Variants in FAM193B observed in about 807,000 individuals in gnomAD.
The protein encoded by FAM193B is protein FAM193B.
Under a neutral mutation model 70.7 loss-of-function variants are expected in FAM193B, and 27 were observed. That is an observed-to-expected ratio of 0.38 (90% CI 0.28 to 0.53). The LOEUF (loss-of-function observed/expected upper bound fraction) is 0.53. Ranked by LOEUF, FAM193B falls within the 20% of genes least tolerant of loss-of-function variation. The probability of loss-of-function intolerance (pLI) is 0.81; values close to 1 mark genes in which losing one functional copy is unlikely to be tolerated. For missense variants in FAM193B, 1,022 were observed against 1,072.5 expected (o/e 0.95, Z 0.66); for synonymous variants, 448 against 436.0 (o/e 1.03, Z -0.34).
At chr5:177,523,295 TG>T in intron 7 of FAM193B, 1 of 309,676 alleles carries the variant, frequency 3.2e-6, no homozygotes, top group Non-Finnish European at 6.8e-6. Flanking sequence ...CCACCGCGCT[TG>T]GCCAAAAATA....
Position 177,538,856 on chromosome 5 carries a change from T to G in FAM193B, c.453+49A>C, listed in dbSNP as rs1764505928. 6.2e-7 allele frequency: 1 copy of G among 1,605,534 alleles called. No individual in the cohort carries two copies. Among genetic ancestry groups the G allele is most frequent in the African/African-American group, 1.3e-5 (1 of 74,952 alleles). On this transcript the variant is annotated intron_variant, in intron 2 of 8. Coordinates refer to ENST00000514747, the MANE Select transcript of FAM193B (RefSeq NM_001190946.3). This position sits in a 1 kb window ranked among gnomAD's most constrained non-coding sequence, Gnocchi z 4.1. The stretch of plus-strand genomic sequence containing the variant: ...AGGACAGGGAACAGCCTGACTTCCT[T>G]GGGGAGGAGCCCTCCTGCATTCAGG...
intron 1 of FAM193B, chr5:177,553,066 G>A (rs1200996797): frequency 7.7e-5 from 38 of 494,360 alleles, no homozygotes; most frequent in Non-Finnish European, 8.9e-5. Context: ...TGCTACCAGA[G>A]GGAGGCACAG....
At chr5:177,523,359 TTTG>T (rs1762070664) in intron 7 of FAM193B, 1 of 246,440 alleles carries the variant, frequency 4.1e-6, no homozygotes, top group Non-Finnish European at 8.6e-6. Flanking sequence ...TTTTTTGTGT[TTTG>T]TTTTTTTTCC....
At chr5:177,546,002 G>A (rs1765382084) in intron 1 of FAM193B, among the ~76,000 whole-genome samples, 1 of 152,124 alleles carries the variant, frequency 6.6e-6, no homozygotes, top group Non-Finnish European at 1.5e-5. Flanking sequence ...ACCAAGGCAG[G>A]CAGAGGACAA....
rs1766589824 is a variant in FAM193B at position 177,553,566 on chromosome 5, TC to T, written c.210+682del. ...GTGGCAAGCTGGAAGCTTTGGGGAA[TC>T]CTCCTACTGTTCGCTCTCAGCAGGA... On this transcript the variant is annotated intron_variant, in intron 1 of 8. Transcript: ENST00000514747. 3 of 1,144,350 alleles carry T rather than the reference TC, an allele frequency of 2.6e-6. No individual in the cohort carries two copies. In the South Asian group the frequency reaches 5.2e-5, roughly 20 times the overall value. The allele number at this position is 1,144,350 out of a possible 1,614,324, so 70.9% of individuals were successfully genotyped here.
intron 1 of FAM193B, among the ~76,000 whole-genome samples, chr5:177,548,083 G>A (rs1456032971): frequency 6.6e-6 from 1 of 152,206 alleles, no homozygotes; most frequent in Non-Finnish European, 1.5e-5. Flanking sequence ...CCCATATGCT[G>A]TTCCTTCTGC....
At chr5:177,521,348 G>A (rs1581823304) in intron 8 of FAM193B, among the ~76,000 whole-genome samples, 1 of 152,236 alleles carries the variant, frequency 6.6e-6, no homozygotes, top group East Asian at 1.9e-4. Flanking sequence ...AAGGACCTGT[G>A]TGGGTGGCTG....
intron 8 of FAM193B, among the ~76,000 whole-genome samples, chr5:177,521,093 G>A (rs936530477): frequency 2.0e-5 from 3 of 152,144 alleles, no homozygotes; most frequent in Non-Finnish European, 4.4e-5. Flanking sequence ...TTGTTTGTGA[G>A]CTCAGTCTGC....
intron 5 of FAM193B, 29 bp from the exon 6 acceptor site, chr5:177,525,234 G>A (rs367895694): frequency 7.0e-7 from 1 of 1,434,368 alleles, no homozygotes. Flanking sequence ...GTTTTAGCAG[G>A]AGGCTGTCAA....
chr5:177,544,248 G>C (rs958983962), intron 1 of FAM193B, among the ~76,000 whole-genome samples: 3 of 152,214 alleles, frequency 2.0e-5, no homozygotes, highest in African/African-American at 7.2e-5. Flanking sequence ...CTAGGGCCTA[G>C]GGGGCTGGCA....
chr5:177,534,829 G>A (rs1026249869), intron 4 of FAM193B, among the ~76,000 whole-genome samples: 1 of 152,116 alleles, frequency 6.6e-6, no homozygotes, highest in Non-Finnish European at 1.5e-5. Context: ...TGTTGCCCTT[G>A]CTAGTCTCCA....
chr5:177,528,564 A>C (rs1762977208), intron 5 of FAM193B, among the ~76,000 whole-genome samples: 1 of 152,220 alleles, frequency 6.6e-6, no homozygotes, highest in Admixed American at 6.5e-5. Flanking sequence ...CTTAGGCGGG[A>C]AAAGGGTGAC....
intron 1 of FAM193B, chr5:177,553,842 GAA>G (rs758200251): frequency 1.0e-5 from 13 of 1,280,598 alleles, no homozygotes; most frequent in Non-Finnish European, 1.3e-5. Flanking sequence ...GGGGCAGAGG[GAA>G]GAGGCTGCAG....
intron 4 of FAM193B, among the ~76,000 whole-genome samples, chr5:177,535,229 G>A (rs946448528): frequency 1.1e-4 from 16 of 152,356 alleles, no homozygotes; most frequent in African/African-American, 3.4e-4. Flanking sequence ...ACAGTAACAT[G>A]AATTGCGGTC....
intron 1 of FAM193B, 93 bp downstream of exon 1, chr5:177,554,156 A>G (rs919101937): frequency 6.9e-7 from 1 of 1,449,626 alleles, no homozygotes. Flanking sequence ...CAGCCGCGGC[A>G]GGATGGCCCA....
intron 1 of FAM193B, among the ~76,000 whole-genome samples, chr5:177,551,534 C>T (rs1403659538): frequency 1.3e-5 from 2 of 152,206 alleles, no homozygotes; most frequent in Admixed American, 1.3e-4. Context: ...AAATGCTACT[C>T]AGAGACTACT....
In FAM193B at chr5:177,539,058, AT is replaced by A; in HGVS notation, c.299del (p.Asn100MetfsTer23). ...GCTTCTCACCCTGCAACACCAGTCCATTTTGAGAAGGGCCTTCTTCCCAGCC... is the reference window on the plus strand; with the variant it reads ...GCTTCTCACCCTGCAACACCAGTCCATTTGAGAAGGGCCTTCTTCCCAGCC... ...RKGWEEGPSQNGLVLQGEKLP... is the reference protein window; with the variant it reads ...RKGWEEGPSQXGLVLQGEKLP... On this transcript the variant is annotated frameshift_variant, in exon 2 of 9. Transcript: ENST00000514747. LOFTEE classifies it high-confidence loss of function. The A allele has an allele frequency of 3.1e-6, 5 of 1,613,942 alleles. No homozygotes were observed. Among genetic ancestry groups the A allele is most frequent in the Non-Finnish European group, 4.2e-6 (5 of 1,179,844 alleles).
Position 177,524,706 on chromosome 5 carries a change from T to C in FAM193B, c.1775A>G (p.Asn592Ser), listed in dbSNP as rs192898913. The C allele has an allele frequency of 5.3e-3, 8,394 of 1,593,030 alleles. 31 individuals are homozygous for C. The highest frequency in any genetic ancestry group is 6.5e-3 in the Non-Finnish European group (7,653 of 1,170,770). Reference sequence around the variant, plus strand: ...CTTGACCCAGATCACCCGGGATAGGTTGGGCACGGTGTTGAGTCTCCTCAC... The same window carrying C: ...CTTGACCCAGATCACCCGGGATAGGCTGGGCACGGTGTTGAGTCTCCTCAC... ...GLVRRLNTVP[N>S]LSRVIWVKTP... is the part of the protein sequence containing the mutation. Residue 592 changes from asparagine (N) to serine (S), a missense_variant, in exon 6 of 9, where the codon AAC (asparagine) becomes AGC (serine). Coordinates refer to ENST00000514747, the MANE Select transcript of FAM193B (RefSeq NM_001190946.3).
chr5:177,537,052 C>A (rs1005928677), intron 3 of FAM193B, among the ~76,000 whole-genome samples: 1 of 152,200 alleles, frequency 6.6e-6, no homozygotes, highest in African/African-American at 2.4e-5. Context: ...TGCTTGTACA[C>A]AGGTGCTCCT....
Sources: gnomAD v4.1 joint callset for allele counts (sites outside exome capture counted in the v4.1 genomes callset) on GRCh38, gnomAD v4.1.1 for gene constraint, Gnocchi (gnomAD v3.1) non-coding constraint, MANE v1.5 for transcripts, NCBI Gene and HGNC (gene_info 2026-07-23, HGNC 2026-07-21) for gene names.